Variants in RYR1 observed in about 807,000 individuals in gnomAD.
RYR1 encodes central core disease of muscle.
A neutral mutation model predicts 583.5 loss-of-function variants in RYR1; 342 were observed. The ratio of observed to expected loss-of-function variants is 0.59; its 90% confidence interval spans 0.54 to 0.64. The LOEUF is 0.64. Among genes scored for constraint, RYR1 ranks in the 30% least tolerant of loss-of-function variants. The pLI, the probability that RYR1 is intolerant of heterozygous loss-of-function variation, is 0.00. For synonymous variants in RYR1, 2,791 were observed against 2,822.5 expected, an observed-to-expected ratio of 0.99 and a Z score of 0.35; for missense variants, 6,032 against 6,917.2, an observed-to-expected ratio of 0.87 and a Z score of 4.54.
At position 38,572,240 on chromosome 19, in the gene RYR1, T is replaced by G. The variant is rs1239965738; in HGVS notation, c.13968T>G (p.Phe4656Leu). 1.2e-6 allele frequency: 2 copies of G among 1,612,442 alleles called. No homozygotes were observed. The highest frequency in any genetic ancestry group is 2.2e-5 in the South Asian group (2 of 91,046). ...GCCTCCTGCATACACTGGTGGCCTT[T>G]CTCTGCATCATTGGCTATAATTGTC... ...CLSLLHTLVAFLCIIGYNCLK... is the reference protein window; with the variant it reads ...CLSLLHTLVALLCIIGYNCLK... The change falls in exon 95 of 106, where the codon TTT becomes TTG. Residue 4656 changes from phenylalanine to leucine, a missense_variant. Coordinates refer to ENST00000359596, the MANE Select transcript of RYR1 (RefSeq NM_000540.3).
rs1600932050 is a variant in RYR1 at position 38,527,971 on chromosome 19, A to G, written c.10824+187A>G. The G allele has an allele frequency of 1.2e-5, 7 of 591,800 alleles. No homozygotes were observed. In the South Asian group the frequency reaches 1.4e-4, roughly 12 times the overall value. 36.7% of individuals were successfully genotyped at this position (591,800 alleles called of 1,614,324 possible). A position where few individuals can be genotyped will look rare whatever the true frequency, so the allele number is the denominator to read the frequency against. ...GGAGGGGTCTGCTGCTTAATCTTGC[A>G]TCTGGGGGCGGGACAGGGAAGGGGC... On this transcript the variant is annotated intron_variant, in intron 73 of 105. Coordinates refer to ENST00000359596, the MANE Select transcript of RYR1 (RefSeq NM_000540.3).
rs139589831 is a variant in RYR1 at position 38,465,847 on chromosome 19, C to G, written c.2871-244C>G. On this transcript the variant is annotated intron_variant, in intron 23 of 105. Coordinates refer to ENST00000359596, the MANE Select transcript of RYR1 (RefSeq NM_000540.3). ...GTTCCGGGGTTAGAGATAGGGGTCC[C>G]AAAGTCAAGACAAAGGGGGCTAGAG... Among the ~76,000 whole-genome samples the G allele has an allele frequency of 4.2e-3, 644 of 152,270 alleles. 6 individuals carry two copies. The highest frequency in any genetic ancestry group is 0.015 in the African/African-American group (621 of 41,572).
chr19:38,440,232 C>T (rs1353497514), intron 1 of RYR1, among the ~76,000 whole-genome samples: 1 of 152,210 alleles, frequency 6.6e-6, no homozygotes, highest in East Asian at 1.9e-4. Flanking sequence ...GTCAAGGTTG[C>T]AGTGAGCTAT....
rs141678782 is a variant in RYR1, at chr19:38,475,361, C to G, written c.4204C>G (p.Pro1402Ala). Residue 1402 changes from proline to alanine, a missense_variant, in exon 29 of 106, where the codon CCG becomes GCG. Around this residue, in one of 11 missense-constraint regions of RYR1, gnomAD observed 2,627 missense variants for 2,961.3 expected, o/e 0.89. Coordinates refer to ENST00000359596, the MANE Select transcript of RYR1 (RefSeq NM_000540.3). ...GAAGGTCGCCATGATGACCCAGCCA[C>G]CGGCCACCCCCACGCTGCCCCGACT... ...AKKVAMMTQPPATPTLPRLPH... is the reference protein window; with the variant it reads ...AKKVAMMTQPAATPTLPRLPH... 6.2e-7 allele frequency: 1 copy of G among 1,611,552 alleles called. No homozygotes were observed. The highest frequency in any genetic ancestry group is 8.5e-7 in the Non-Finnish European group (1 of 1,178,772).
Position 38,455,529 on chromosome 19 carries a change from G to C in RYR1, c.1655G>C (p.Arg552Pro). 6.2e-7 allele frequency: 1 copy of C among 1,614,092 alleles called. No individual in the cohort carries two copies. The highest frequency in any genetic ancestry group is 8.5e-7 in the Non-Finnish European group (1 of 1,180,016). The change falls in exon 15 of 106, where the codon CGG becomes CCG. Residue 552 changes from arginine (R) to proline (P), a missense_variant. Physicochemically the swap from Arg to Pro is moderately radical, Grantham distance 103. Around this residue, in one of 11 missense-constraint regions of RYR1, gnomAD observed 2,627 missense variants for 2,961.3 expected, o/e 0.89. Coordinates refer to ENST00000359596, the MANE Select transcript of RYR1 (RefSeq NM_000540.3). ...NLDWLVSKLD[R>P]LEASSGILEV... ...GACTGGCTGGTCAGCAAGCTGGATC[G>C]GCTGGAGGCCTCGTCTGGTAGGAGA...
chr19:38,526,077 C>T (rs1019099075), intron 71 of RYR1, among the ~76,000 whole-genome samples: 11 of 151,956 alleles, frequency 7.2e-5, no homozygotes, highest in South Asian at 2.1e-4. Flanking sequence ...GGGAGCCCTG[C>T]GACCCTGCAT....
At chr19:38,527,948 A>C in intron 73 of RYR1, 164 bp downstream of exon 73, 1 of 484,038 alleles carries the variant, frequency 2.1e-6, no homozygotes, top group Non-Finnish European at 3.2e-6. Context: ...GGATCGGGGG[A>C]GGGGTCTGCT....
intron 101 of RYR1, among the ~76,000 whole-genome samples, chr19:38,583,802 A>G (rs1239494574): frequency 6.6e-6 from 1 of 151,724 alleles, no homozygotes; most frequent in African/African-American, 2.4e-5. Context: ...CATTCACTTG[A>G]TACCTCACCT....
At chr19:38,572,321 G>C in intron 95 of RYR1, 51 bp downstream of exon 95, 1 of 1,504,584 alleles carries the variant, frequency 6.6e-7, no homozygotes, top group Non-Finnish European at 9.1e-7. Context: ...CTGGGTGGGG[G>C]TGGGGGCAGT....
At chr19:38,572,632 C>G (rs1218634276) in intron 95 of RYR1, among the ~76,000 whole-genome samples, 1 of 152,054 alleles carries the variant, frequency 6.6e-6, no homozygotes, top group East Asian at 1.9e-4. Context: ...TTGCACCTGC[C>G]TGTTTTATTC....
chr19:38,506,092 G>A, intron 54 of RYR1, 146 bp downstream of exon 54: 1 of 1,193,532 alleles, frequency 8.4e-7, no homozygotes, highest in Non-Finnish European at 1.2e-6. Context: ...TGAGATCTGG[G>A]AAAGGAGAGG....
At position 38,500,459 on chromosome 19, in the gene RYR1, C is replaced by G; in HGVS notation, c.7324-147C>G. 1 of 1,161,630 alleles carries G rather than the reference C, an allele frequency of 8.6e-7. No individual in the cohort carries two copies. The highest frequency in any genetic ancestry group is 1.4e-5 in the South Asian group (1 of 73,862). The allele number at this position is 1,161,630 out of a possible 1,614,324, so 72.0% of individuals were successfully genotyped here. Reference sequence around the variant, plus strand: ...CGGGACTGGGGTGGGGGGGCACAGGCAGAGGAACGAGGGCTGGAAACTCTA... The same window carrying G: ...CGGGACTGGGGTGGGGGGGCACAGGGAGAGGAACGAGGGCTGGAAACTCTA... On this transcript the variant is annotated intron_variant, in intron 45 of 105. Coordinates refer to ENST00000359596, the MANE Select transcript of RYR1 (RefSeq NM_000540.3). This position sits in a 1 kb window ranked among gnomAD's most constrained non-coding sequence, Gnocchi z 5.9.
In RYR1 at chr19:38,565,177, G is replaced by A. The variant is rs1390144594; in HGVS notation, c.12843G>A (p.Gly4281=). 3.3e-6 allele frequency: 4 copies of A among 1,194,212 alleles called. No homozygotes were observed. The highest frequency in any genetic ancestry group is 3.1e-6 in the Non-Finnish European group (3 of 961,536). 74.0% of individuals were successfully genotyped at this position (1,194,212 alleles called of 1,614,324 possible). Residue 4281 remains glycine, a synonymous_variant, in exon 91 of 106, where the codon GGG becomes GGA. Transcript: ENST00000359596. The surrounding 1 kb of genome is among the most constrained non-coding windows in gnomAD (Gnocchi z 4.7). ...AAGGCGCGGAGGAGGGCGCGGCGGG[G>A]CTCGAGGGCACGGCGGCCACGGCGG... The part of the protein sequence containing the change: ...GAEGAEEGAA[G]LEGTAATAAA...
intron 90 of RYR1, among the ~76,000 whole-genome samples, chr19:38,562,517 C>T (rs535823655): frequency 9.9e-5 from 15 of 152,220 alleles, no homozygotes; most frequent in Admixed American, 3.3e-4. Flanking sequence ...GGGAGGTTTG[C>T]GCACCCGTCA....
rs534856736 is a variant in RYR1, at chr19:38,547,115, C to T, written c.12094+589C>T. Among the ~76,000 whole-genome samples, 3 of 151,164 alleles carry T rather than the reference C, an allele frequency of 2.0e-5. 1 individual carries two copies. The South Asian group carries it at 6.3e-4, about 32-fold the overall frequency. On this transcript the variant is annotated intron_variant, in intron 88 of 105. Coordinates refer to ENST00000359596, the MANE Select transcript of RYR1 (RefSeq NM_000540.3). ...GGTGCGGTGGCGCGATCTCGGCTCA[C>T]TGCAAGCTCCGCCTCCCAGGTTCAC...
chr19:38,478,512 C>T lies in RYR1; in HGVS notation c.4532C>T (p.Thr1511Met), dbSNP rs746617941. 20 of 1,614,054 alleles carry T rather than the reference C, an allele frequency of 1.2e-5. No homozygotes were observed. The South Asian group carries it at 1.3e-4, about 11-fold the overall frequency. Residue 1511 changes from threonine (T) to methionine (M), a missense_variant, in exon 31 of 106, where the codon ACG becomes ATG. Coordinates refer to ENST00000359596, the MANE Select transcript of RYR1 (RefSeq NM_000540.3). ...SPGQQGRISHTDLVIGCLVDL... is the reference protein window; with the variant it reads ...SPGQQGRISHMDLVIGCLVDL... ...GGGCAGCAGGGCCGGATCAGCCACA[C>T]GGACCTTGTCATTGGGTGCCTGGTG...
intron 69 of RYR1, 78 bp from the exon 70 acceptor site, chr19:38,523,837 C>T (rs1971334047): frequency 6.3e-7 from 1 of 1,597,872 alleles, no homozygotes; most frequent in Non-Finnish European, 8.6e-7. Context: ...GGGGTGCTGG[C>T]AACTTGGAGT....
intron 61 of RYR1, 129 bp from the exon 62 acceptor site, chr19:38,511,943 G>A (rs2145660775): frequency 2.8e-6 from 3 of 1,088,706 alleles, no homozygotes; most frequent in Non-Finnish European, 4.1e-6. Flanking sequence ...GGGGGGTGGG[G>A]GTGCAGTAGC....
At chr19:38,524,314 C>T (rs1236570116) in intron 70 of RYR1, among the ~76,000 whole-genome samples, 1 of 40 alleles carries the variant, frequency 0.025, no homozygotes, top group Non-Finnish European at 0.042. Context: ...AGCACCCTCG[C>T]CGTGGATGGT....
Sources: allele counts gnomAD v4.1 joint callset (sites outside exome capture counted in the v4.1 genomes callset), GRCh38; gene constraint gnomAD v4.1.1; regional missense constraint gnomAD v4.1.1; non-coding constraint Gnocchi (gnomAD v3.1); transcripts MANE v1.5; gene names NCBI Gene and HGNC (gene_info 2026-07-23, HGNC 2026-07-21).